The following ST3GAL2 variants were observed in gnomAD, a reference collection of about 807,000 sequenced individuals.
ST3GAL2 encodes the protein ST3 beta-galactoside alpha-2,3-sialyltransferase 2.
ST3GAL2 carries 16 observed loss-of-function variants against 37.5 expected under a neutral mutation model. The observed-to-expected ratio is 0.43, with a 90% CI of 0.29 to 0.65. The LOEUF is 0.65. ST3GAL2 is among the 30% of genes least tolerant of loss of function. The pLI, the probability that ST3GAL2 is intolerant of heterozygous loss-of-function variation, is 0.17. For synonymous variants in ST3GAL2, 238 were observed against 202.9 expected (o/e 1.17, Z -1.47); for missense variants, 383 against 487.8 (o/e 0.79, Z 2.02).
chr16:70,388,914 AC>A (rs1202999241), intron 3 of ST3GAL2, among the ~76,000 whole-genome samples: 26 of 150,514 alleles, frequency 1.7e-4, no homozygotes, highest in Admixed American at 3.3e-4. Context: ...AAAAAAAAAA[AC>A]AAATATAAAA....
Position 70,412,703 on chromosome 16 carries a change from T to C in ST3GAL2, c.-1003-13170A>G, listed in dbSNP as rs569361915. Among the ~76,000 whole-genome samples, 15 of 152,296 alleles carry C rather than the reference T, an allele frequency of 9.8e-5. No individual in the cohort carries two copies. The South Asian group carries it at 1.7e-3, about 17-fold the overall frequency. On this transcript the variant is annotated intron_variant, in intron 1 of 6. Transcript: ENST00000342907. ...GTGACATATTATTTATCCTGTTTGATGTTCATGCTGTTTTTTCGAATCTGA... is the reference window on the plus strand; with the variant it reads ...GTGACATATTATTTATCCTGTTTGACGTTCATGCTGTTTTTTCGAATCTGA...
intron 1 of ST3GAL2, among the ~76,000 whole-genome samples, chr16:70,426,954 CCT>C (rs1333011094): frequency 2.6e-5 from 4 of 151,460 alleles, no homozygotes; most frequent in African/African-American, 9.7e-5. Flanking sequence ...CTCCAGCAAT[CCT>C]CCCACCTCAG....
intron 1 of ST3GAL2, among the ~76,000 whole-genome samples, chr16:70,417,599 A>G (rs1482794115): frequency 6.6e-6 from 1 of 152,260 alleles, no homozygotes; most frequent in East Asian, 1.9e-4. Flanking sequence ...TCTAGAATAC[A>G]AAGCTATTAT....
At chr16:70,411,824 G>A (rs569326026) in intron 1 of ST3GAL2, among the ~76,000 whole-genome samples, 15 of 152,016 alleles carry the variant, frequency 9.9e-5, no homozygotes, top group African/African-American at 3.4e-4. Context: ...GAGAAACCCC[G>A]TCTCTACTGA....
At chr16:70,392,767 G>C (rs2047490280) in intron 3 of ST3GAL2, among the ~76,000 whole-genome samples, 1 of 152,148 alleles carries the variant, frequency 6.6e-6, no homozygotes, top group African/African-American at 2.4e-5. Context: ...TCTACAATTG[G>C]AGTCACCCCC....
In ST3GAL2 at chr16:70,398,842, C is replaced by T. The variant is rs928791255; in HGVS notation, c.-312G>A. ...CCACCCTGGTGAGGGGGAGGTCAGT[C>T]CATTGCAGCCCTCTAGTCCCTTGGG... is the stretch of plus-strand genomic sequence containing the variant. On this transcript the variant is annotated 5_prime_UTR_variant, in exon 2 of 7. The change creates a premature stop within an existing upstream ORF in the 5' untranslated region. Coordinates refer to ENST00000342907, the MANE Select transcript of ST3GAL2 (RefSeq NM_006927.4). 5.5e-6 allele frequency: 3 copies of T among 548,216 alleles called. No individual in the cohort carries two copies. The highest frequency in any genetic ancestry group is 5.8e-5 in the East Asian group (2 of 34,748). 34.0% of individuals were successfully genotyped at this position (548,216 alleles called of 1,614,324 possible).
At chr16:70,412,213 G>C (rs1160251078) in intron 1 of ST3GAL2, among the ~76,000 whole-genome samples, 2 of 152,180 alleles carry the variant, frequency 1.3e-5, no homozygotes, top group African/African-American at 2.4e-5. Flanking sequence ...ATGATAGCTG[G>C]CTATGGAATT....
intron 1 of ST3GAL2, among the ~76,000 whole-genome samples, chr16:70,410,034 TGA>T (rs1290908155): frequency 4.0e-5 from 6 of 151,692 alleles, no homozygotes; most frequent in African/African-American, 1.5e-4. Context: ...CCCAAAGAGC[TGA>T]GATTGCAGAT....
intron 4 of ST3GAL2, among the ~76,000 whole-genome samples, chr16:70,386,195 T>C (rs891162757): frequency 1.8e-4 from 28 of 151,358 alleles, no homozygotes; most frequent in African/African-American, 6.8e-4. Context: ...TAGTTTTTTT[T>C]TTTTCTTCCT....
At chr16:70,433,903 T>C (rs1415731584) in intron 1 of ST3GAL2, among the ~76,000 whole-genome samples, 1 of 152,186 alleles carries the variant, frequency 6.6e-6, no homozygotes, top group Non-Finnish European at 1.5e-5. Context: ...GTGATAGCCT[T>C]TCTTTGTACC....
At chr16:70,388,237 G>A in intron 4 of ST3GAL2, 130 bp downstream of exon 4, 1 of 1,173,782 alleles carries the variant, frequency 8.5e-7, no homozygotes, top group Non-Finnish European at 1.2e-6. Flanking sequence ...ACCAACTTAG[G>A]CCCTCCCTTC....
chr16:70,417,021 G>A (rs550041079), intron 1 of ST3GAL2, among the ~76,000 whole-genome samples: 10 of 152,318 alleles, frequency 6.6e-5, no homozygotes, highest in South Asian at 2.1e-4. Context: ...AACAAAGTGC[G>A]TAGAAAAACT....
intron 1 of ST3GAL2, among the ~76,000 whole-genome samples, chr16:70,429,588 CAAAAA>C (rs1173306093): frequency 5.5e-5 from 2 of 36,060 alleles, no homozygotes; most frequent in African/African-American, 9.6e-5. Flanking sequence ...GACTCTGTCT[CAAAAA>C]AAAAAAAAAA....
chr16:70,418,142 G>T (rs1288668370), intron 1 of ST3GAL2, among the ~76,000 whole-genome samples: 1 of 152,184 alleles, frequency 6.6e-6, no homozygotes, highest in Non-Finnish European at 1.5e-5. Context: ...CGTGTGTTCT[G>T]CACAGTTATT....
intron 1 of ST3GAL2, among the ~76,000 whole-genome samples, chr16:70,429,421 G>A (rs572159088): frequency 1.2e-4 from 18 of 151,970 alleles, no homozygotes; most frequent in African/African-American, 3.6e-4. Context: ...GTGAAACACC[G>A]TCTCTACTAA....
chr16:70,394,938 G>A (rs755393198), intron 3 of ST3GAL2, 44 bp downstream of exon 3: 56 of 1,588,206 alleles, frequency 3.5e-5, no homozygotes, highest in South Asian at 1.1e-4. Flanking sequence ...TCCCCTTCCC[G>A]GAGGCCCATC....
chr16:70,426,117 G>T (rs149532673), intron 1 of ST3GAL2, among the ~76,000 whole-genome samples: 1 of 150,186 alleles, frequency 6.7e-6, no homozygotes, highest in Non-Finnish European at 1.5e-5. Flanking sequence ...AATATAGAAC[G>T]TAACAGGAAG....
At chr16:70,413,560 C>CAAAAAAAA (rs978301918) in intron 1 of ST3GAL2, among the ~76,000 whole-genome samples, 6 of 32,084 alleles carry the variant, frequency 1.9e-4, no homozygotes, top group Non-Finnish European at 4.8e-4. Flanking sequence ...ATCAAAAATA[C>CAAAAAAAA]AAAAAAAAAA....
At chr16:70,404,941 G>A (rs1178785315) in intron 1 of ST3GAL2, among the ~76,000 whole-genome samples, 1 of 151,448 alleles carries the variant, frequency 6.6e-6, no homozygotes, top group Non-Finnish European at 1.5e-5. Context: ...GCTGAGGCAG[G>A]AGAATCGCTT....
Sources: allele counts gnomAD v4.1 joint callset (sites outside exome capture counted in the v4.1 genomes callset), GRCh38; gene constraint gnomAD v4.1.1; transcripts MANE v1.5; gene names NCBI Gene and HGNC (gene_info 2026-07-23, HGNC 2026-07-21).